KIAA1958: variants seen among roughly 807,000 people sequenced by gnomAD.
KIAA1958 encodes KIAA1958, also known as uncharacterized protein KIAA1958.
KIAA1958 carries 14 observed loss-of-function variants against 47.2 expected under a neutral mutation model. That is an observed-to-expected ratio of 0.30 (90% CI 0.20 to 0.46). KIAA1958 has a LOEUF of 0.46. Ranked by LOEUF, KIAA1958 falls within the 20% of genes least tolerant of loss-of-function variation. KIAA1958 has a pLI of 1.00. For synonymous variants in KIAA1958, 354 were observed against 353.3 expected (o/e 1.00, Z -0.02); for missense variants, 803 against 909.2 (o/e 0.88, Z 1.50).
chr9:112,531,305 T>C (rs1013637446), intron 1 of KIAA1958, among the ~76,000 whole-genome samples: 2 of 152,098 alleles, frequency 1.3e-5, no homozygotes, highest in Non-Finnish European at 2.9e-5. Context: ...GGAGAATCAC[T>C]TGAACCCGGG....
intron 1 of KIAA1958, among the ~76,000 whole-genome samples, chr9:112,529,168 T>C (rs1420234387): frequency 1.3e-5 from 2 of 152,222 alleles, no homozygotes; most frequent in Non-Finnish European, 2.9e-5. Context: ...GTTTATATTA[T>C]CTACCTATAT....
intron 1 of KIAA1958, among the ~76,000 whole-genome samples, chr9:112,503,112 G>A (rs968544487): frequency 1.1e-4 from 16 of 152,268 alleles, no homozygotes; most frequent in South Asian, 8.3e-4. Flanking sequence ...ACATGTAAGG[G>A]ATAAGTGCTA....
chr9:112,555,741 A>G (rs999736136), intron 1 of KIAA1958, among the ~76,000 whole-genome samples: 8 of 152,226 alleles, frequency 5.3e-5, no homozygotes, highest in African/African-American at 1.9e-4. Context: ...TAATCTATTC[A>G]TAAGAGTGGA....
chr9:112,583,280 A>G (rs551104492), intron 2 of KIAA1958, among the ~76,000 whole-genome samples: 1 of 152,352 alleles, frequency 6.6e-6, no homozygotes, highest in Non-Finnish European at 1.5e-5. Flanking sequence ...GCAAATTAAA[A>G]CAACAAGATA....
At position 112,628,535 on chromosome 9, in the gene KIAA1958, A is replaced by G. The variant is rs550881366; in HGVS notation, c.1172-17115A>G. Reference sequence around the variant, plus strand: ...CCATTGGCCTCCAGAGTCACACAAAATTATTTCTTGATTCCTACATCAGAG... The same window carrying G: ...CCATTGGCCTCCAGAGTCACACAAAGTTATTTCTTGATTCCTACATCAGAG... On this transcript the variant is annotated intron_variant, in intron 2 of 3. Coordinates refer to ENST00000337530, the MANE Select transcript of KIAA1958 (RefSeq NM_133465.4). Among the ~76,000 whole-genome samples the G allele has an allele frequency of 6.7e-4, 102 of 152,184 alleles. 1 individual carries two copies. The highest frequency in any genetic ancestry group is 1.4e-3 in the Non-Finnish European group (95 of 68,024).
At chr9:112,625,566 A>C (rs1279546293) in intron 2 of KIAA1958, among the ~76,000 whole-genome samples, 1 of 152,188 alleles carries the variant, frequency 6.6e-6, no homozygotes, top group Non-Finnish European at 1.5e-5. Flanking sequence ...AGCCGGGACT[A>C]GAGGCAGGCA....
At position 112,618,629 on chromosome 9, in the gene KIAA1958, C is replaced by T. The variant is rs1451502179; in HGVS notation, c.1172-27021C>T. The T allele has an allele frequency of 6.4e-7, 1 of 1,550,716 alleles. No individual in the cohort carries two copies. The highest frequency in any genetic ancestry group is 2.0e-5 in the Admixed American group (1 of 51,012). ...TGCCCCTTTCTACTTATCCATCAAG[C>T]CAGTCGTGAACCTGGCGGCTCTGCA... is the stretch of plus-strand genomic sequence containing the variant. On this transcript the variant is annotated intron_variant, in intron 2 of 3. Coordinates refer to ENST00000337530, the MANE Select transcript of KIAA1958 (RefSeq NM_133465.4). This position sits in a 1 kb window ranked among gnomAD's most constrained non-coding sequence, Gnocchi z 7.1.
rs1837260863 is a variant in KIAA1958, at chr9:112,660,575, T to G, written c.*506T>G. ...TTGCGCTTGATGCGCCTTTTTTTTCTGTTGGTGGATAAGGTGGTTCTGGAG... is the reference window on the plus strand; with the variant it reads ...TTGCGCTTGATGCGCCTTTTTTTTCGGTTGGTGGATAAGGTGGTTCTGGAG... On this transcript the variant is annotated 3_prime_UTR_variant, in exon 4 of 4. Transcript: ENST00000337530. 1.3e-5 allele frequency: 2 copies of G among 157,550 alleles called. No individual in the cohort carries two copies. Among genetic ancestry groups the G allele is most frequent in the Non-Finnish European group, 1.4e-5 (1 of 71,346 alleles). The allele number at this position is 157,550 out of a possible 1,614,324, so 9.8% of individuals were successfully genotyped here. A position where few individuals can be genotyped will look rare whatever the true frequency, so the allele number is the denominator to read the frequency against.
intron 1 of KIAA1958, among the ~76,000 whole-genome samples, chr9:112,519,684 C>G (rs1440054962): frequency 6.6e-6 from 1 of 152,138 alleles, no homozygotes; most frequent in Non-Finnish European, 1.5e-5. Flanking sequence ...GAAAACAAAT[C>G]CCAAATCCTT....
At chr9:112,524,421 G>A (rs1434318142) in intron 1 of KIAA1958, among the ~76,000 whole-genome samples, 1 of 152,202 alleles carries the variant, frequency 6.6e-6, no homozygotes, top group Non-Finnish European at 1.5e-5. Flanking sequence ...GGAAAATATG[G>A]AGCGACTGTG....
rs1588058033 is a variant in KIAA1958, at chr9:112,660,236, A to G, written c.*167A>G. The G allele has an allele frequency of 8.3e-6, 5 of 604,132 alleles. No individual in the cohort carries two copies. The East Asian group carries it at 1.4e-4, about 17-fold the overall frequency. The allele number at this position is 604,132 out of a possible 1,614,324, so 37.4% of individuals were successfully genotyped here. A position where few individuals can be genotyped will look rare whatever the true frequency, so the allele number is the denominator to read the frequency against. The stretch of plus-strand genomic sequence containing the variant: ...TTTGACTTGGGGTTTGCTTTTTAAA[A>G]TGAAACTAGATGAGTCTAAATCATT... On this transcript the variant is annotated 3_prime_UTR_variant, in exon 4 of 4. Coordinates refer to ENST00000337530, the MANE Select transcript of KIAA1958 (RefSeq NM_133465.4).
chr9:112,556,755 A>G (rs1486691765), intron 1 of KIAA1958, among the ~76,000 whole-genome samples: 2 of 152,162 alleles, frequency 1.3e-5, no homozygotes, highest in East Asian at 1.9e-4. Context: ...TTGCAGTTGG[A>G]TTGTTGACCC....
intron 3 of KIAA1958, among the ~76,000 whole-genome samples, chr9:112,648,804 CAA>C (rs1417095452): frequency 2.0e-5 from 3 of 152,090 alleles, no homozygotes; most frequent in Admixed American, 6.5e-5. Flanking sequence ...ATCTAGAACA[CAA>C]GAGATAAAAT....
At chr9:112,500,285 G>T (rs1432473442) in intron 1 of KIAA1958, among the ~76,000 whole-genome samples, 1 of 152,032 alleles carries the variant, frequency 6.6e-6, no homozygotes, top group Non-Finnish European at 1.5e-5. Flanking sequence ...ATTTTTAGTA[G>T]AGATGGGGTT....
chr9:112,527,852 A>G (rs1834684627), intron 1 of KIAA1958, among the ~76,000 whole-genome samples: 1 of 151,536 alleles, frequency 6.6e-6, no homozygotes, highest in Non-Finnish European at 1.5e-5. Context: ...TGGAAGGATC[A>G]CTTGAACCTG....
rs771958665 is a variant in KIAA1958, at chr9:112,659,513, A to T, written c.1595A>T (p.Tyr532Phe). 2 of 1,613,416 alleles carry T rather than the reference A, an allele frequency of 1.2e-6. No homozygotes were observed. The highest frequency in any genetic ancestry group is 1.7e-4 in the Middle Eastern group (1 of 6,060). The stretch of plus-strand genomic sequence containing the variant: ...GGCGCGCGTTCTCGCAACATCGTCT[A>T]CTTCTCCCTTTCTGACGAGGAGGAG... ...MSGARSRNIV[Y>F]FSLSDEEEMW... Residue 532 changes from tyrosine (Y) to phenylalanine (F), a missense_variant, in exon 4 of 4, where the codon TAC becomes TTC. Around this residue, in one of 2 missense-constraint regions of KIAA1958, gnomAD observed 761 missense variants for 829.3 expected, o/e 0.92. Transcript: ENST00000337530.
At chr9:112,504,929 A>G (rs2132770051) in intron 1 of KIAA1958, among the ~76,000 whole-genome samples, 1 of 152,284 alleles carries the variant, frequency 6.6e-6, no homozygotes, top group South Asian at 2.1e-4. Flanking sequence ...CTGGAGTACA[A>G]TACATTTTTG....
At chr9:112,517,228 T>G (rs1587998005) in intron 1 of KIAA1958, among the ~76,000 whole-genome samples, 2 of 108,624 alleles carry the variant, frequency 1.8e-5, no homozygotes, top group Admixed American at 9.7e-5. Context: ...AGTCCAGAAA[T>G]AGACTCACAG....
rs1837297050 is a variant in KIAA1958, at chr9:112,662,651, G to A, written c.*2582G>A. ...TACTAAAAATACAAAAATTAGCCGG[G>A]CGTGGTGGCAGGTGCCTGTAATCCC... is the stretch of plus-strand genomic sequence containing the variant. On this transcript the variant is annotated 3_prime_UTR_variant, in exon 4 of 4. Transcript: ENST00000337530. The A allele has an allele frequency of 6.6e-6, 1 of 152,468 alleles. No individual in the cohort carries two copies. Among genetic ancestry groups the A allele is most frequent in the East Asian group, 1.9e-4 (1 of 5,186 alleles). The allele number at this position is 152,468 out of a possible 1,614,324, so 9.4% of individuals were successfully genotyped here. A position where few individuals can be genotyped will look rare whatever the true frequency, so the allele number is the denominator to read the frequency against.
Sources: allele counts gnomAD v4.1 joint callset (sites outside exome capture counted in the v4.1 genomes callset), GRCh38; gene constraint gnomAD v4.1.1; regional missense constraint gnomAD v4.1.1; non-coding constraint Gnocchi (gnomAD v3.1); transcripts MANE v1.5; gene names NCBI Gene and HGNC (gene_info 2026-07-23, HGNC 2026-07-21).